LUC7L2: variants seen among roughly 807,000 people sequenced by gnomAD.
LUC7L2 encodes the protein putative RNA-binding protein Luc7-like 2.
LUC7L2 carries 25 observed loss-of-function variants against 52.8 expected under a neutral mutation model. The observed-to-expected ratio is 0.47, with a 90% CI of 0.34 to 0.66. LUC7L2 has a LOEUF of 0.66. Ranked by LOEUF, LUC7L2 falls within the 30% of genes least tolerant of loss-of-function variation. LUC7L2 has a pLI of 0.01. For synonymous variants in LUC7L2, 144 were observed against 160.9 expected (o/e 0.89, Z 0.80); for missense variants, 328 against 497.8 (o/e 0.66, Z 3.25).
At chr7:139,412,480 A>C in intron 7 of LUC7L2, 71 bp from the exon 8 acceptor site, 1 of 1,505,346 alleles carries the variant, frequency 6.6e-7, no homozygotes, top group Non-Finnish European at 9.0e-7. Flanking sequence ...ATCAGGAAGA[A>C]TATAATGTAA....
chr7:139,375,038 A>C (rs1800635983), intron 1 of LUC7L2: 6 of 983,492 alleles, frequency 6.1e-6, no homozygotes, highest in Non-Finnish European at 6.0e-6. Flanking sequence ...CATCGATAAT[A>C]TATCAGTTTA....
At chr7:139,341,580 T>C in intron 1 of LUC7L2, 1 of 1,580,850 alleles carries the variant, frequency 6.3e-7, no homozygotes. Context: ...GAGCCGGGTC[T>C]GGGCTAGGGT....
rs566629834 is a variant in LUC7L2 at position 139,400,948 on chromosome 7, A to G, written c.256-1189A>G. ...GTTATCCAACTATTTTTGGAATTCA[A>G]TGTGTGCTGAATAAATTTGTATTTT... is the stretch of plus-strand genomic sequence containing the variant. On this transcript the variant is annotated intron_variant, in intron 3 of 9. Coordinates refer to ENST00000354926, the MANE Select transcript of LUC7L2 (RefSeq NM_016019.5). 7.2e-5 allele frequency among the ~76,000 whole-genome samples: 11 copies of G among 152,350 alleles called. 1 individual carries two copies. Among genetic ancestry groups the G allele is most frequent in the South Asian group, 2.1e-4 (1 of 4,828 alleles).
chr7:139,387,973 C>T (rs1794277893), intron 2 of LUC7L2, among the ~76,000 whole-genome samples: 2 of 152,094 alleles, frequency 1.3e-5, no homozygotes, highest in South Asian at 2.1e-4. Flanking sequence ...TCCTTTCTTT[C>T]CCTCGCATGC....
At chr7:139,405,218 C>G (rs992000816) in intron 4 of LUC7L2, among the ~76,000 whole-genome samples, 23 of 151,974 alleles carry the variant, frequency 1.5e-4, no homozygotes, top group African/African-American at 4.3e-4. Context: ...AGTAGGCAGG[C>G]GAGAGGTAAG....
chr7:139,363,629 A>G (rs1434016858), intron 1 of LUC7L2, among the ~76,000 whole-genome samples: 4 of 152,190 alleles, frequency 2.6e-5, no homozygotes, highest in Admixed American at 2.6e-4. Context: ...TTTATGATTC[A>G]TTACGTTTTA....
chr7:139,357,741 G>A (rs181122417), upstream of LUC7L2, among the ~76,000 whole-genome samples: 258 of 151,582 alleles, frequency 1.7e-3, 3 homozygotes, highest in African/African-American at 5.8e-3. Flanking sequence ...ACCAGGGCTG[G>A]AGTGCAATGG....
chr7:139,387,956 G>T lies in LUC7L2; in HGVS notation c.157-10643G>T, dbSNP rs1050442740. On this transcript the variant is annotated intron_variant, in intron 2 of 9. Coordinates refer to ENST00000354926, the MANE Select transcript of LUC7L2 (RefSeq NM_016019.5). Reference sequence around the variant, plus strand: ...TGACCAAACTGATTTACTTATTGTCGTCTCACTCCTTTCTTTCCCTCGCAT... The same window carrying T: ...TGACCAAACTGATTTACTTATTGTCTTCTCACTCCTTTCTTTCCCTCGCAT... Among the ~76,000 whole-genome samples the T allele has an allele frequency of 8.6e-5, 13 of 151,998 alleles. 1 individual carries two copies. The highest frequency in any genetic ancestry group is 8.5e-4 in the Admixed American group (13 of 15,234).
intron 1 of LUC7L2, chr7:139,344,791 C>G (rs1215985033): frequency 6.7e-6 from 1 of 150,022 alleles, no homozygotes; most frequent in East Asian, 1.9e-4. Context: ...CAAGCTCCGC[C>G]TCCTGGGTTC....
chr7:139,353,623 T>G (rs1799521834), intron 1 of LUC7L2, among the ~76,000 whole-genome samples: 1 of 152,054 alleles, frequency 6.6e-6, no homozygotes, highest in South Asian at 2.1e-4. Context: ...TGAAACCCCA[T>G]CTCTACTAAA....
At chr7:139,416,578 G>C (rs907185616) in intron 8 of LUC7L2, 4 of 152,196 alleles carry the variant, frequency 2.6e-5, no homozygotes, top group African/African-American at 9.7e-5. Context: ...CTATTGCCCA[G>C]GCTGGAATGC....
chr7:139,413,473 G>T (rs1035307595), intron 8 of LUC7L2, among the ~76,000 whole-genome samples: 1 of 151,716 alleles, frequency 6.6e-6, no homozygotes, highest in African/African-American at 2.4e-5. Context: ...TAGAGAATTT[G>T]TTGTTATGAA....
Position 139,359,990 on chromosome 7 carries a change from T to G in LUC7L2, c.-272T>G. The G allele has an allele frequency of 2.1e-6, 1 of 465,962 alleles. No individual in the cohort carries two copies. 28.9% of individuals were successfully genotyped at this position (465,962 alleles called of 1,614,324 possible). ...GGCGGTGTTGAAGGCGAGAGCTTGC[T>G]TGGCCCGTGTCGCTTCTGTCCCAAG... is the stretch of plus-strand genomic sequence containing the variant. On this transcript the variant is annotated 5_prime_UTR_variant, in exon 1 of 10. Transcript: ENST00000354926.
chr7:139,389,426 G>A (rs903974571), intron 2 of LUC7L2, among the ~76,000 whole-genome samples: 4 of 151,640 alleles, frequency 2.6e-5, no homozygotes, highest in African/African-American at 9.7e-5. Context: ...AAATCTTCTC[G>A]TTCCAGTTAA....
intron 4 of LUC7L2, among the ~76,000 whole-genome samples, chr7:139,402,876 A>T (rs1046771061): frequency 6.6e-6 from 1 of 152,208 alleles, no homozygotes; most frequent in Non-Finnish European, 1.5e-5. Flanking sequence ...TAGGATGCTT[A>T]AGTATAACAT....
At chr7:139,369,010 C>A (rs528744880) in intron 1 of LUC7L2, among the ~76,000 whole-genome samples, 1 of 150,858 alleles carries the variant, frequency 6.6e-6, no homozygotes, top group Non-Finnish European at 1.5e-5. Flanking sequence ...TTTTTTATTT[C>A]TTTTCCTTTG....
intron 1 of LUC7L2, chr7:139,363,215 C>T (rs765767492): frequency 6.1e-6 from 6 of 985,424 alleles, no homozygotes; most frequent in African/African-American, 1.7e-5. Context: ...CACTGAAAAT[C>T]GTGCCGATGC....
chr7:139,400,393 C>T (rs1569387104), intron 3 of LUC7L2, among the ~76,000 whole-genome samples: 1 of 152,092 alleles, frequency 6.6e-6, no homozygotes, highest in Non-Finnish European at 1.5e-5. Flanking sequence ...CCTGTAATCC[C>T]AGCTACTCAG....
chr7:139,419,130 C>A (rs1321618167), intron 9 of LUC7L2, among the ~76,000 whole-genome samples: 15 of 139,334 alleles, frequency 1.1e-4, no homozygotes, highest in Admixed American at 4.4e-4. Flanking sequence ...AAAAAACAAA[C>A]AAAAAAAAAA....
Sources: gnomAD v4.1 joint callset for allele counts (sites outside exome capture counted in the v4.1 genomes callset) on GRCh38, gnomAD v4.1.1 for gene constraint, MANE v1.5 for transcripts, NCBI Gene and HGNC (gene_info 2026-07-23, HGNC 2026-07-21) for gene names.